The following SCML2 variants were observed in gnomAD, a reference collection of about 807,000 sequenced individuals.
SCML2 encodes the protein Scm polycomb group protein like 2.
In SCML2, 6 loss-of-function variants were observed where a neutral mutation model predicts 48.4. That is an observed-to-expected ratio of 0.12 (90% CI 0.07 to 0.24). The LOEUF (loss-of-function observed/expected upper bound fraction) is 0.24, where lower values mean the gene tolerates loss of function less well. Among genes scored for constraint, SCML2 ranks in the 10% least tolerant of loss-of-function variants. SCML2 has a pLI of 1.00. For missense variants in SCML2, 377 were observed against 528.2 expected (o/e 0.71, Z 2.81); for synonymous variants, 181 against 189.5 (o/e 0.95, Z 0.37).
At chrX:18,329,130 T>C (rs1308407359) in intron 3 of SCML2, among the ~76,000 whole-genome samples, 1 of 111,680 alleles carries the variant, frequency 9.0e-6, no homozygotes, top group Non-Finnish European at 1.9e-5. Context: ...AACCATTGAA[T>C]TGTGCACTCT....
rs1195011108 is a variant in SCML2, at chrX:18,253,664, A to C, written c.1456+3184T>G. Among the ~76,000 whole-genome samples the C allele has an allele frequency of 6.2e-5, 7 of 112,046 alleles. No individual in the cohort carries two copies. The East Asian group carries it at 1.7e-3, about 27-fold the overall frequency. On this transcript the variant is annotated intron_variant, in intron 11 of 14. Coordinates refer to ENST00000251900, the MANE Select transcript of SCML2 (RefSeq NM_006089.3). Reference sequence around the variant, plus strand: ...TCCTGTGACCTAGCAATTCCCTCCAAGATAGATACAGGAACAGAAAGACGT... The same window carrying C: ...TCCTGTGACCTAGCAATTCCCTCCACGATAGATACAGGAACAGAAAGACGT...
In SCML2 at chrX:18,345,922, AT is replaced by A. The variant is rs761796032; in HGVS notation, c.-25+8669del. Among the ~76,000 whole-genome samples the A allele has an allele frequency of 5.7e-3, 558 of 98,056 alleles. 2 individuals carry two copies. The highest frequency in any genetic ancestry group is 7.6e-3 in the African/African-American group (206 of 27,088). The allele number at this position is 98,056 out of a possible 115,157, so 85.1% of individuals were successfully genotyped here. On this transcript the variant is annotated intron_variant, in intron 1 of 14. Coordinates refer to ENST00000251900, the MANE Select transcript of SCML2 (RefSeq NM_006089.3). ...CATGTGCCAACAAGCTCAGCAACTA[AT>A]TTTTTTTTTTTTTTTAATTTTAGTA...
chrX:18,257,957 GA>G, intron 10 of SCML2, 86 bp downstream of exon 10: 1 of 527,996 alleles, frequency 1.9e-6, no homozygotes, highest in Non-Finnish European at 3.1e-6. Context: ...AAGGGGAGAG[GA>G]AAGGGAAGGG....
At chrX:18,258,614 C>A (rs1053740218) in intron 9 of SCML2, among the ~76,000 whole-genome samples, 11 of 111,234 alleles carry the variant, frequency 9.9e-5, no homozygotes, top group Non-Finnish European at 1.9e-4. Context: ...TAATTGTATA[C>A]ACAGTACAAG....
intron 11 of SCML2, among the ~76,000 whole-genome samples, chrX:18,249,201 C>T (rs1352836397): frequency 8.9e-6 from 1 of 111,917 alleles, no homozygotes; most frequent in Non-Finnish European, 1.9e-5. Context: ...AGACTTGCAA[C>T]AATCCAAAGT....
intron 1 of SCML2, among the ~76,000 whole-genome samples, chrX:18,336,771 GA>G (rs35886691): frequency 0.31 from 33,885 of 108,223 alleles, 4,467 homozygotes; most frequent in Non-Finnish European, 0.4. Context: ...AATAAGAAAA[GA>G]ATGGTCCTGT....
At chrX:18,347,142 A>T (rs1028904880) in intron 1 of SCML2, among the ~76,000 whole-genome samples, 1 of 112,068 alleles carries the variant, frequency 8.9e-6, no homozygotes, top group African/African-American at 3.2e-5. Flanking sequence ...AATTAAGACT[A>T]ATCAATATTA....
At chrX:18,282,997 A>G (rs187228904) in intron 7 of SCML2, among the ~76,000 whole-genome samples, 73 of 110,461 alleles carry the variant, frequency 6.6e-4, no homozygotes, top group African/African-American at 2.4e-3. Flanking sequence ...CATGACAAAG[A>G]AAAAAAAACT....
chrX:18,330,765 A>G (rs190716398), intron 2 of SCML2, 110 bp from the exon 3 acceptor site: 1 of 429,232 alleles, frequency 2.3e-6, no homozygotes, highest in Admixed American at 4.7e-5. Context: ...GTTTTATAAT[A>G]TCTTCATTTT....
intron 1 of SCML2, among the ~76,000 whole-genome samples, chrX:18,341,807 T>C (rs1305526760): frequency 8.9e-6 from 1 of 112,147 alleles, no homozygotes; most frequent in Non-Finnish European, 1.9e-5. Flanking sequence ...TCTTTGACTA[T>C]AACTTGAGAA....
chrX:18,332,434 C>T (rs1168188040), intron 2 of SCML2, among the ~76,000 whole-genome samples: 3 of 112,142 alleles, frequency 2.7e-5, no homozygotes, highest in Non-Finnish European at 5.6e-5. Flanking sequence ...TGCCATTCAA[C>T]GTAACAGATC....
At chrX:18,294,797 G>A (rs946221251) in intron 7 of SCML2, among the ~76,000 whole-genome samples, 1 of 110,802 alleles carries the variant, frequency 9.0e-6, no homozygotes, top group Non-Finnish European at 1.9e-5. Context: ...TGCCCACCCC[G>A]ATCCAGGACA....
intron 7 of SCML2, among the ~76,000 whole-genome samples, chrX:18,291,076 G>T (rs181711800): frequency 2.5e-3 from 280 of 111,982 alleles, no homozygotes; most frequent in African/African-American, 8.3e-3. Flanking sequence ...AAAACGGCAA[G>T]ATCAAATAAG....
At chrX:18,335,301 C>T (rs1929776682) in intron 1 of SCML2, among the ~76,000 whole-genome samples, 1 of 110,896 alleles carries the variant, frequency 9.0e-6, no homozygotes, top group Non-Finnish European at 1.9e-5. Flanking sequence ...CCCAGGGGTT[C>T]GAGACCAGCC....
At chrX:18,323,801 C>T (rs1929394289) in intron 5 of SCML2, 58 bp downstream of exon 5, 1 of 931,177 alleles carries the variant, frequency 1.1e-6, no homozygotes, top group Non-Finnish European at 1.5e-6. Flanking sequence ...CACTTAAAGC[C>T]ATTTCTATTG....
chrX:18,333,788 CTT>C (rs1283589733), intron 2 of SCML2, among the ~76,000 whole-genome samples: 2 of 111,901 alleles, frequency 1.8e-5, no homozygotes, highest in Non-Finnish European at 3.8e-5. Flanking sequence ...TTTAATCACT[CTT>C]TGGATTCTAA....
chrX:18,253,105 G>A (rs1422430691), intron 11 of SCML2, among the ~76,000 whole-genome samples: 2 of 111,790 alleles, frequency 1.8e-5, no homozygotes, highest in African/African-American at 3.2e-5. Context: ...CCTGAAGAAG[G>A]GAAGTACAAT....
At chrX:18,332,705 C>T (rs1220933753) in intron 2 of SCML2, among the ~76,000 whole-genome samples, 1 of 111,703 alleles carries the variant, frequency 9.0e-6, no homozygotes, top group African/African-American at 3.2e-5. Flanking sequence ...TTGGATGTGA[C>T]AGCTCACACC....
intron 7 of SCML2, among the ~76,000 whole-genome samples, chrX:18,274,833 T>C (rs1388641687): frequency 8.9e-6 from 1 of 111,812 alleles, no homozygotes; most frequent in Non-Finnish European, 1.9e-5. Flanking sequence ...ATATGCCTCG[T>C]TATACCTCTC....
Sources: allele counts gnomAD v4.1 joint callset (sites outside exome capture counted in the v4.1 genomes callset), GRCh38; gene constraint gnomAD v4.1.1; transcripts MANE v1.5; gene names NCBI Gene and HGNC (gene_info 2026-07-23, HGNC 2026-07-21).